The following PRKD2 variants were observed in gnomAD, a reference collection of about 807,000 sequenced individuals.
The protein encoded by PRKD2 is protein kinase D2.
In PRKD2, 22 loss-of-function variants were observed where a neutral mutation model predicts 86.0. The ratio of observed to expected loss-of-function variants is 0.26; its 90% CI spans 0.18 to 0.37. The LOEUF is 0.37. Among genes scored for constraint, PRKD2 ranks in the 10% least tolerant of loss-of-function variants. PRKD2 has a pLI of 1.00. For synonymous variants in PRKD2, 509 were observed against 510.9 expected (o/e 1.00, Z 0.05); for missense variants, 818 against 1,199.2 (o/e 0.68, Z 4.70).
In PRKD2 at chr19:46,711,034, C is replaced by G. The variant is rs2053800527; in HGVS notation, c.384G>C (p.Ser128=). The G allele has an allele frequency of 3.2e-6, 5 of 1,581,362 alleles. No individual in the cohort carries two copies. Among genetic ancestry groups the G allele is most frequent in the Non-Finnish European group, 4.3e-6 (5 of 1,163,632 alleles). Residue 128 remains serine (S), a synonymous_variant, in exon 3 of 18, where the codon TCG becomes TCC. Transcript: ENST00000291281. The part of the protein sequence containing the change: ...GDLVEVVLSA[S]ATFEDFQIRP... Reference sequence around the variant, plus strand: ...GGATCTGGAAGTCCTCGAAGGTGGCCGAGGCTGTAGGCGGAAAATAGGGGT... The same window carrying G: ...GGATCTGGAAGTCCTCGAAGGTGGCGGAGGCTGTAGGCGGAAAATAGGGGT...
intron 5 of PRKD2, 117 bp from the exon 6 acceptor site, chr19:46,701,229 G>C: frequency 9.2e-7 from 1 of 1,083,200 alleles, no homozygotes; most frequent in South Asian, 1.3e-5. Flanking sequence ...GTCTGGGTAA[G>C]AACACTGGCT....
chr19:46,687,554 A>T (rs2053419751), intron 14 of PRKD2, among the ~76,000 whole-genome samples: 1 of 152,192 alleles, frequency 6.6e-6, no homozygotes, highest in African/African-American at 2.4e-5. Flanking sequence ...AGTTTCTTCA[A>T]CCATAAAAGG....
chr19:46,716,454 G>GC lies in PRKD2; in HGVS notation c.-85_-84insG. 1 of 698,862 alleles carries GC rather than the reference G, an allele frequency of 1.4e-6. No homozygotes were observed. Among genetic ancestry groups the GC allele is most frequent in the Non-Finnish European group, 2.2e-6 (1 of 451,622 alleles). The allele number at this position is 698,862 out of a possible 1,614,324, so 43.3% of individuals were successfully genotyped here. ...GGGGGACCCTGGGTTCTAGATCCGC[G>GC]GGATCTCGTGAGCAGGTGGTGGGAG... On this transcript the variant is annotated 5_prime_UTR_variant, in exon 1 of 18. Coordinates refer to ENST00000291281, the MANE Select transcript of PRKD2 (RefSeq NM_016457.5). The surrounding 1 kb of genome is among the most constrained non-coding windows in gnomAD (Gnocchi z 7.9).
In PRKD2 at chr19:46,697,725, C is replaced by T; in HGVS notation, c.1239+8G>A. ...TCCGCCGTACCCGGCCCCGCCCCGG[C>T]CACTCACCAGCGTGTCCTTGTTGCT... On this transcript the variant is annotated splice_region_variant and intron_variant, in intron 8 of 17. Transcript: ENST00000291281. 1 of 1,609,098 alleles carries T rather than the reference C, an allele frequency of 6.2e-7. No homozygotes were observed. Among genetic ancestry groups the T allele is most frequent in the Non-Finnish European group, 8.5e-7 (1 of 1,175,856 alleles).
At chr19:46,675,247 C>T (rs1447634820) in intron 16 of PRKD2, 129 bp from the exon 17 acceptor site, 1 of 721,848 alleles carries the variant, frequency 1.4e-6, no homozygotes, top group Non-Finnish European at 2.4e-6. Context: ...GCTCAGAAGC[C>T]TCACCTGTGC....
Position 46,689,518 on chromosome 19 carries a change from G to A in PRKD2, c.1971+19C>T, listed in dbSNP as rs768645674. ...ACCTGATGGGGAGGGGCGGGTGGCA[G>A]CGGGCAGGGCAGACGCACCTGGGTG... On this transcript the variant is annotated intron_variant, in intron 14 of 17. Transcript: ENST00000291281. The A allele has an allele frequency of 7.6e-6, 12 of 1,579,376 alleles. No homozygotes were observed. Among genetic ancestry groups the A allele is most frequent in the African/African-American group, 5.4e-5 (4 of 74,732 alleles).
Position 46,675,073 on chromosome 19 carries a change from C to T in PRKD2, c.2384G>A (p.Arg795His), listed in dbSNP as rs751808641. Residue 795 changes from arginine to histidine, a missense_variant, in exon 17 of 18, where the codon CGC becomes CAC. Arg to His is a conservative substitution (Grantham distance 29). Around this residue, in one of 5 missense-constraint regions of PRKD2, gnomAD observed 132 missense variants for 146.2 expected, o/e 0.90. Transcript: ENST00000291281. Reference protein sequence around the residue: ...NNLLQVKMRKRYSVDKSLSHP... With the variant: ...NNLLQVKMRKHYSVDKSLSHP... ...GCTGAGAGATTTGTCCACGCTGTAG[C>T]GTTTGCGCATCTTCACCTGCAGCAG... is the stretch of plus-strand genomic sequence containing the variant. 1 of 1,611,514 alleles carries T rather than the reference C, an allele frequency of 6.2e-7. No homozygotes were observed. Among genetic ancestry groups the T allele is most frequent in the South Asian group, 1.1e-5 (1 of 90,358 alleles).
Position 46,716,105 on chromosome 19 carries a change from T to C in PRKD2, c.240+26A>G, listed in dbSNP as rs1282366337. On this transcript the variant is annotated intron_variant, in intron 1 of 17. Transcript: ENST00000291281. The surrounding 1 kb of genome is among the most constrained non-coding windows in gnomAD (Gnocchi z 7.9). ...CCCCTCCTTCAACCTCTCCCCGAGC[T>C]GGATCCAGGGAGCCTGCGCCCTCAC... 1 of 1,605,386 alleles carries C rather than the reference T, an allele frequency of 6.2e-7. No individual in the cohort carries two copies.
intron 14 of PRKD2, among the ~76,000 whole-genome samples, chr19:46,687,345 T>C (rs1568719557): frequency 6.6e-6 from 1 of 152,154 alleles, no homozygotes; most frequent in Non-Finnish European, 1.5e-5. Flanking sequence ...TGAGCCATGA[T>C]TGTACCACTG....
rs2053507586 is a variant in PRKD2, at chr19:46,693,235, G to A, written c.1576+640C>T. ...GTCACTCTCTGAAGATGGGTATTCT[G>A]CCCTACTGGACTCTGAGCCCCATGA... On this transcript the variant is annotated intron_variant, in intron 10 of 17. Transcript: ENST00000291281. The surrounding 1 kb of genome is among the most constrained non-coding windows in gnomAD (Gnocchi z 4.5). 6.6e-6 allele frequency among the ~76,000 whole-genome samples: 1 copy of A among 151,362 alleles called. No individual in the cohort carries two copies. The highest frequency in any genetic ancestry group is 2.4e-5 in the African/African-American group (1 of 41,306).
intron 2 of PRKD2, 73 bp from the exon 3 acceptor site, chr19:46,711,111 A>T: frequency 6.7e-7 from 1 of 1,499,818 alleles, no homozygotes; most frequent in East Asian, 2.5e-5. Context: ...ACGTTCCCTG[A>T]TTTCTCACAG....
chr19:46,704,889 C>T (rs969832057), intron 3 of PRKD2, among the ~76,000 whole-genome samples: 2 of 151,964 alleles, frequency 1.3e-5, no homozygotes, highest in Non-Finnish European at 2.9e-5. Flanking sequence ...ATCTGTCCCC[C>T]AGACCCTGAA....
chr19:46,687,832 A>G (rs2053423328), intron 14 of PRKD2, among the ~76,000 whole-genome samples: 1 of 152,110 alleles, frequency 6.6e-6, no homozygotes, highest in Admixed American at 6.6e-5. Context: ...GACCAACTGA[A>G]TGAATGAATG....
Position 46,703,282 on chromosome 19 carries a change from T to G in PRKD2, c.889+887A>C, listed in dbSNP as rs376492948. Among the ~76,000 whole-genome samples, 4 of 152,154 alleles carry G rather than the reference T, an allele frequency of 2.6e-5. No homozygotes were observed. The East Asian group carries it at 5.8e-4, about 22-fold the overall frequency. On this transcript the variant is annotated intron_variant, in intron 5 of 17. Transcript: ENST00000291281. ...TTCTAGAATTCTCAGGTTCTACAGT[T>G]TTAGAATTCCATGCTAAGCACGTTA...
At chr19:46,700,231 C>T (rs551738839) in intron 7 of PRKD2, among the ~76,000 whole-genome samples, 46 of 150,878 alleles carry the variant, frequency 3.0e-4, no homozygotes, top group African/African-American at 4.4e-4. Flanking sequence ...AGCGAAACGC[C>T]GTCTAAAATT....
intron 14 of PRKD2, among the ~76,000 whole-genome samples, chr19:46,684,448 AGTAGCTGGGATTACAG>A (rs1458500297): frequency 6.6e-6 from 1 of 152,004 alleles, no homozygotes; most frequent in African/African-American, 2.4e-5. Context: ...CAGCCTCCCC[AGTAGCTGGGATTACAG>A]GTGAATGCCA....
intron 3 of PRKD2, among the ~76,000 whole-genome samples, chr19:46,707,746 AGGACCTATATAG>A: frequency 6.6e-6 from 1 of 152,312 alleles, no homozygotes; most frequent in African/African-American, 2.4e-5. Context: ...ACAGGGACAG[AGGACCTATATAG>A]ATCTTGACAC....
chr19:46,704,770 A>G, intron 3 of PRKD2, 121 bp from the exon 4 acceptor site: 1 of 1,290,850 alleles, frequency 7.7e-7, no homozygotes, highest in Non-Finnish European at 1.0e-6. Context: ...CCCCGCCAGC[A>G]CGATCTCCTC....
intron 8 of PRKD2, 90 bp downstream of exon 8, chr19:46,697,643 G>A (rs1372970902): frequency 6.4e-6 from 8 of 1,244,110 alleles, no homozygotes; most frequent in Non-Finnish European, 5.8e-6. Flanking sequence ...CCTAGCTCCA[G>A]CCCCACCCAC....
Sources: allele counts gnomAD v4.1 joint callset (sites outside exome capture counted in the v4.1 genomes callset), GRCh38; gene constraint gnomAD v4.1.1; regional missense constraint gnomAD v4.1.1; non-coding constraint Gnocchi (gnomAD v3.1); transcripts MANE v1.5; gene names NCBI Gene and HGNC (gene_info 2026-07-23, HGNC 2026-07-21).